Variants in PLXNA4 observed in about 807,000 individuals in gnomAD.
PLXNA4 encodes plexin-A4.
Under a neutral mutation model 191.8 loss-of-function variants are expected in PLXNA4, and 44 were observed. The observed-to-expected ratio is 0.23, with a 90% confidence interval of 0.18 to 0.29. The LOEUF is 0.29. Ranked by LOEUF, PLXNA4 falls within the 10% of genes least tolerant of loss-of-function variation. The probability of loss-of-function intolerance (pLI) is 1.00; values close to 1 mark genes in which losing one functional copy is unlikely to be tolerated. For missense variants in PLXNA4, 1,800 were observed against 2,488.8 expected, an observed-to-expected ratio of 0.72 and a Z score of 5.89; for synonymous variants, 1,082 against 1,009.5, an observed-to-expected ratio of 1.07 and a Z score of -1.36.
chr7:132,172,143 G>A (rs781079587), intron 21 of PLXNA4, among the ~76,000 whole-genome samples: 2 of 152,154 alleles, frequency 1.3e-5, no homozygotes, highest in Non-Finnish European at 2.9e-5. Context: ...ACCCTCCCCA[G>A]CCCAAGCAAA....
intron 3 of PLXNA4, among the ~76,000 whole-genome samples, chr7:132,487,206 C>T (rs1023229872): frequency 2.0e-5 from 3 of 152,314 alleles, no homozygotes; most frequent in African/African-American, 7.2e-5. Flanking sequence ...CACAAATCCT[C>T]ATCCAGGGTC....
intron 3 of PLXNA4, among the ~76,000 whole-genome samples, chr7:132,360,528 G>A (rs910672230): frequency 2.0e-5 from 3 of 152,094 alleles, no homozygotes; most frequent in African/African-American, 7.2e-5. Context: ...AAAAAATAAG[G>A]GTCCCGTTCT....
intron 8 of PLXNA4, among the ~76,000 whole-genome samples, chr7:132,224,947 T>G (rs961270514): frequency 3.3e-5 from 5 of 152,140 alleles, no homozygotes; most frequent in Non-Finnish European, 5.9e-5. Context: ...CAAGCAGGGT[T>G]TTTTGAGGTC....
chr7:132,500,821 T>C (rs562061841), intron 2 of PLXNA4, among the ~76,000 whole-genome samples: 14 of 152,324 alleles, frequency 9.2e-5, no homozygotes, highest in Non-Finnish European at 1.6e-4. Flanking sequence ...GGATACTTTT[T>C]TATCATCTCC....
At chr7:132,379,258 A>C (rs1348466899) in intron 3 of PLXNA4, among the ~76,000 whole-genome samples, 1 of 152,218 alleles carries the variant, frequency 6.6e-6, no homozygotes, top group African/African-American at 2.4e-5. Context: ...TGTGTGGGCA[A>C]GGGTGGCTGT....
chr7:132,542,353 AAGATGAGGGCGTGGGGGAAT>A (rs1196286297), intron 1 of PLXNA4, among the ~76,000 whole-genome samples: 1 of 152,220 alleles, frequency 6.6e-6, no homozygotes, highest in African/African-American at 2.4e-5. Context: ...TGGACAGATG[AAGATGAGGGCGTGGGGGAAT>A]AGTATAGGCC....
Position 132,164,292 on chromosome 7 carries a change from G to C in PLXNA4, c.4354-4C>G. The C allele has an allele frequency of 6.2e-7, 1 of 1,613,712 alleles. No homozygotes were observed. The highest frequency in any genetic ancestry group is 8.5e-7 in the Non-Finnish European group (1 of 1,179,668). On this transcript the variant is annotated splice_region_variant and splice_polypyrimidine_tract_variant and intron_variant, in intron 23 of 31. Transcript: ENST00000321063. ...AGAGGGGCTCCCCAGCACACTCCTG[G>C]AGGTGAGAAGAACGTCATTAGGAGG...
intron 3 of PLXNA4, among the ~76,000 whole-genome samples, chr7:132,311,616 C>A: frequency 6.6e-6 from 1 of 152,194 alleles, no homozygotes; most frequent in East Asian, 1.9e-4. Context: ...GAGTGGGCCT[C>A]ACTCAGGGCT....
intron 10 of PLXNA4, 62 bp downstream of exon 10, chr7:132,210,881 A>G: frequency 6.4e-7 from 1 of 1,555,858 alleles, no homozygotes; most frequent in Non-Finnish European, 8.8e-7. Context: ...CTCCTAGAAG[A>G]CAACAGTGAT....
intron 3 of PLXNA4, among the ~76,000 whole-genome samples, chr7:132,429,888 G>C (rs900984186): frequency 6.6e-6 from 1 of 152,108 alleles, no homozygotes; most frequent in African/African-American, 2.4e-5. Context: ...ATCATCCTAC[G>C]AGGTTTACTC....
chr7:132,193,795 A>C (rs989720229), intron 14 of PLXNA4, among the ~76,000 whole-genome samples: 2 of 152,098 alleles, frequency 1.3e-5, no homozygotes, highest in African/African-American at 4.8e-5. Flanking sequence ...CCATGCACCC[A>C]CCTGGGGACT....
At chr7:132,560,298 G>A (rs1800984050) in intron 1 of PLXNA4, among the ~76,000 whole-genome samples, 1 of 152,174 alleles carries the variant, frequency 6.6e-6, no homozygotes, top group Admixed American at 6.5e-5. Context: ...ATAGCACTCT[G>A]GGTGCTACTC....
intron 3 of PLXNA4, among the ~76,000 whole-genome samples, chr7:132,390,234 G>T (rs1340236884): frequency 6.6e-6 from 1 of 152,144 alleles, no homozygotes; most frequent in East Asian, 1.9e-4. Context: ...ATACTATGCA[G>T]CCATAAAAAA....
intron 14 of PLXNA4, 104 bp from the exon 15 acceptor site, chr7:132,187,711 T>A: frequency 6.8e-7 from 1 of 1,468,168 alleles, no homozygotes. Flanking sequence ...CCTTCTGGAA[T>A]CTTTGGTAAC....
chr7:132,326,892 T>C (rs1244227021), intron 3 of PLXNA4, among the ~76,000 whole-genome samples: 1 of 123,648 alleles, frequency 8.1e-6, no homozygotes, highest in Non-Finnish European at 1.7e-5. Flanking sequence ...GTAAGTGTTG[T>C]GGCAGGAAGG....
At chr7:132,505,729 T>G (rs1360292747) in intron 2 of PLXNA4, among the ~76,000 whole-genome samples, 1 of 152,156 alleles carries the variant, frequency 6.6e-6, no homozygotes, top group African/African-American at 2.4e-5. Flanking sequence ...TCTAAAGGCC[T>G]TCTCAACACC....
At chr7:132,151,590 AAGG>A (rs74555719) in intron 25 of PLXNA4, among the ~76,000 whole-genome samples, 40,306 of 79,644 alleles carry the variant, frequency 0.51, 15,869 homozygotes, top group East Asian at 0.81. Flanking sequence ...GAGGAGGAGA[AAGG>A]AGGAGAGGGA....
intron 2 of PLXNA4, among the ~76,000 whole-genome samples, chr7:132,496,599 A>T (rs1585223764): frequency 6.6e-6 from 1 of 152,132 alleles, no homozygotes; most frequent in East Asian, 1.9e-4. Context: ...ACGGGGTTTC[A>T]CTATGTTGGC....
intron 3 of PLXNA4, among the ~76,000 whole-genome samples, chr7:132,349,194 TC>T (rs970852263): frequency 6.6e-6 from 1 of 152,156 alleles, no homozygotes; most frequent in African/African-American, 2.4e-5. Flanking sequence ...TTTTTTCCCC[TC>T]CCTTTCTTTT....
Sources: allele counts gnomAD v4.1 joint callset (sites outside exome capture counted in the v4.1 genomes callset), GRCh38; gene constraint gnomAD v4.1.1; transcripts MANE v1.5; gene names NCBI Gene and HGNC (gene_info 2026-07-23, HGNC 2026-07-21).